NLN: variants seen among roughly 807,000 people sequenced by gnomAD.
NLN encodes the protein neurolysin.
NLN carries 64 observed loss-of-function variants against 79.9 expected under a neutral mutation model. The observed-to-expected ratio is 0.80, with a 90% confidence interval of 0.65 to 0.99. NLN has a LOEUF of 0.99. NLN is among the 50% of genes least tolerant of loss of function. The pLI, the probability that NLN is intolerant of heterozygous loss-of-function variation, is 0.00. For missense variants in NLN, 835 were observed against 858.7 expected, an observed-to-expected ratio of 0.97 and a Z score of 0.34; for synonymous variants, 267 against 296.6, an observed-to-expected ratio of 0.90 and a Z score of 1.02.
chr5:65,738,343 G>A (rs899251204), intron 1 of NLN, among the ~76,000 whole-genome samples: 6 of 152,040 alleles, frequency 3.9e-5, no homozygotes, highest in African/African-American at 1.4e-4. Context: ...AGCACTCCTA[G>A]GAGGATGAGG....
intron 1 of NLN, among the ~76,000 whole-genome samples, chr5:65,730,566 G>A (rs1391078772): frequency 1.8e-4 from 26 of 143,136 alleles, no homozygotes; most frequent in Admixed American, 7.1e-5. Flanking sequence ...TGTTTTATTC[G>A]TTTGTTTTTA....
intron 1 of NLN, among the ~76,000 whole-genome samples, chr5:65,741,986 A>G (rs1441047723): frequency 6.6e-6 from 1 of 152,180 alleles, no homozygotes; most frequent in Non-Finnish European, 1.5e-5. Flanking sequence ...TCAACTTTGT[A>G]ATGTGAACCT....
intron 12 of NLN, among the ~76,000 whole-genome samples, chr5:65,820,339 G>A (rs1760765320): frequency 6.6e-6 from 1 of 152,156 alleles, no homozygotes; most frequent in South Asian, 2.1e-4. Context: ...TGGATGATAG[G>A]TTTGTGAGAG....
chr5:65,748,174 C>T (rs985105059), intron 1 of NLN, among the ~76,000 whole-genome samples: 2 of 152,140 alleles, frequency 1.3e-5, no homozygotes, highest in Non-Finnish European at 2.9e-5. Flanking sequence ...GCACTCCAGC[C>T]TGGGCAACAG....
At chr5:65,774,059 T>TTG (rs1170404446) in intron 3 of NLN, among the ~76,000 whole-genome samples, 6 of 151,842 alleles carry the variant, frequency 4.0e-5, no homozygotes, top group African/African-American at 1.4e-4. Flanking sequence ...TTCAAAGTTT[T>TTG]TTTTTTTTTT....
intron 4 of NLN, among the ~76,000 whole-genome samples, chr5:65,778,689 C>A (rs1759730891): frequency 6.6e-6 from 1 of 152,158 alleles, no homozygotes; most frequent in Non-Finnish European, 1.5e-5. Context: ...TTGGTTTGAT[C>A]CTGATGCACA....
In NLN at chr5:65,788,444, G is replaced by C. The variant is rs771962546; in HGVS notation, c.1285G>C (p.Gly429Arg). 3 of 1,613,888 alleles carry C rather than the reference G, an allele frequency of 1.9e-6. No homozygotes were observed. The South Asian group carries it at 3.3e-5, about 18-fold the overall frequency. The stretch of plus-strand genomic sequence containing the variant: ...TTATACTGTGAAGGATAAAGCTACA[G>C]GAGAAGTATTGGGACAGTTCTATTT... ...TLYTVKDKAT[G>R]EVLGQFYLDL... Residue 429 changes from glycine (G) to arginine (R), a missense_variant, in exon 8 of 13, where the codon GGA becomes CGA. By Grantham distance (125) the Gly-to-Arg change is moderately radical. Transcript: ENST00000380985.
At chr5:65,769,666 A>T (rs252629) in intron 3 of NLN, among the ~76,000 whole-genome samples, 69,005 of 152,052 alleles carry the variant, frequency 0.45, 16,382 homozygotes, top group Non-Finnish European at 0.53. Context: ...GACTACTAAG[A>T]CTGCCTTACA....
intron 1 of NLN, among the ~76,000 whole-genome samples, chr5:65,755,826 C>T (rs1000891785): frequency 6.6e-6 from 1 of 152,058 alleles, no homozygotes; most frequent in African/African-American, 2.4e-5. Flanking sequence ...TTAGGTCTCT[C>T]CTGTGTGAAA....
chr5:65,778,894 A>T (rs1265824586), intron 4 of NLN, among the ~76,000 whole-genome samples: 2 of 152,180 alleles, frequency 1.3e-5, no homozygotes, highest in South Asian at 2.1e-4. Flanking sequence ...CCTGTGGTTA[A>T]TCCTGAATTC....
chr5:65,761,362 G>A (rs1759333607), intron 2 of NLN, among the ~76,000 whole-genome samples: 1 of 151,608 alleles, frequency 6.6e-6, no homozygotes, highest in Non-Finnish European at 1.5e-5. Flanking sequence ...ATGTAATCTT[G>A]GCTCACTGCA....
rs750131777 is a variant in NLN, at chr5:65,810,101, G to A, written c.1779G>A (p.Ser593=). The change falls in exon 11 of 13, where the codon TCG becomes TCA. Residue 593 remains serine (S), a synonymous_variant. Transcript: ENST00000380985. ...ATCAGTCTCTTCATACCAACACATC[G>A]CTGGATGCTGCAAGTGAATATGCCA... ...KVDQSLHTNT[S]LDAASEYAKY... 1.2e-5 allele frequency: 19 copies of A among 1,613,644 alleles called. No individual in the cohort carries two copies. The South Asian group carries it at 1.8e-4, about 15-fold the overall frequency.
chr5:65,766,363 C>T (rs371661750), intron 3 of NLN, among the ~76,000 whole-genome samples: 26 of 152,242 alleles, frequency 1.7e-4, no homozygotes, highest in East Asian at 7.7e-4. Flanking sequence ...GCATGTCTTA[C>T]ATGATGTCAG....
Position 65,758,740 on chromosome 5 carries a change from A to G in NLN, c.215A>G (p.Tyr72Cys). ...CTCATTGTGCAGACCAAACAGGTGT[A>G]CGATGCTGTTGGAATGCTCGGTATT... is the stretch of plus-strand genomic sequence containing the variant. ...EELIVQTKQV[Y>C]DAVGMLGIEE... The change falls in exon 2 of 13, where the codon TAC becomes TGC. Residue 72 changes from tyrosine (Y) to cysteine (C), a missense_variant. Coordinates refer to ENST00000380985, the MANE Select transcript of NLN (RefSeq NM_020726.5). 1 of 1,613,598 alleles carries G rather than the reference A, an allele frequency of 6.2e-7. No individual in the cohort carries two copies. Among genetic ancestry groups the G allele is most frequent in the Non-Finnish European group, 8.5e-7 (1 of 1,179,554 alleles).
At chr5:65,820,021 A>G (rs1185912915) in intron 12 of NLN, among the ~76,000 whole-genome samples, 1 of 152,200 alleles carries the variant, frequency 6.6e-6, no homozygotes, top group African/African-American at 2.4e-5. Context: ...TGAGCCACAT[A>G]TTGTGAGACT....
chr5:65,813,948 G>C (rs535943346), intron 12 of NLN, among the ~76,000 whole-genome samples: 24 of 151,904 alleles, frequency 1.6e-4, no homozygotes, highest in Non-Finnish European at 3.4e-4. Flanking sequence ...AAATCATTGA[G>C]AATGAGTACC....
intron 9 of NLN, among the ~76,000 whole-genome samples, chr5:65,805,721 A>C (rs148575037): frequency 6.6e-6 from 1 of 152,366 alleles, no homozygotes; most frequent in Non-Finnish European, 1.5e-5. Flanking sequence ...TATCCAGAAG[A>C]TCTAGTTAAG....
At chr5:65,810,922 C>T (rs1004033656) in intron 11 of NLN, among the ~76,000 whole-genome samples, 4 of 151,992 alleles carry the variant, frequency 2.6e-5, no homozygotes, top group African/African-American at 9.7e-5. Flanking sequence ...AAGCCTGCAG[C>T]GAGCCATGAT....
intron 12 of NLN, chr5:65,818,865 G>A (rs1348035789): frequency 1.3e-5 from 2 of 152,286 alleles, no homozygotes; most frequent in African/African-American, 2.4e-5. Context: ...GAGGAGGGGT[G>A]GAAAGTTAGT....
Sources: gnomAD v4.1 joint callset for allele counts (sites outside exome capture counted in the v4.1 genomes callset) on GRCh38, gnomAD v4.1.1 for gene constraint, MANE v1.5 for transcripts, NCBI Gene and HGNC (gene_info 2026-07-23, HGNC 2026-07-21) for gene names.